The following ENTHD1 variants were observed in gnomAD, a reference collection of about 807,000 sequenced individuals.
The protein encoded by ENTHD1 is ENTH domain containing 1, also known as ENTH domain-containing protein 1.
In ENTHD1, 23 loss-of-function variants were observed where a neutral mutation model predicts 39.1. The observed-to-expected ratio is 0.59, with a 90% confidence interval of 0.42 to 0.83. The LOEUF (loss-of-function observed/expected upper bound fraction) is 0.83, where lower values mean the gene tolerates loss of function less well. ENTHD1 is among the 40% of genes least tolerant of loss of function. The pLI is 0.00. For synonymous variants in ENTHD1, 230 were observed against 258.2 expected (o/e 0.89, Z 1.05); for missense variants, 624 against 705.4 (o/e 0.88, Z 1.31).
chr22:39,876,111 G>A, intron 2 of ENTHD1: 6 of 1,598,358 alleles, frequency 3.8e-6, no homozygotes, highest in Non-Finnish European at 5.1e-6. Context: ...GTGATTGTTG[G>A]TTAGAGACTT....
chr22:39,869,917 T>A (rs1390474629), intron 2 of ENTHD1, among the ~76,000 whole-genome samples: 1 of 151,804 alleles, frequency 6.6e-6, no homozygotes, highest in Admixed American at 6.6e-5. Flanking sequence ...TTTAAAAAAA[T>A]TCAACATCCA....
rs1195296425 is a variant in ENTHD1 at position 39,810,108 on chromosome 22, G to T, written c.832+10885C>A. 4.6e-5 allele frequency among the ~76,000 whole-genome samples: 7 copies of T among 152,228 alleles called. No homozygotes were observed. In the South Asian group the frequency reaches 1.2e-3, roughly 27 times the overall value. ...AGAGCAAGAACTTCTTGAGGGGAAG[G>T]TCTGAGCCCTTTGAGAATGAATCCT... On this transcript the variant is annotated intron_variant, in intron 5 of 6. Coordinates refer to ENST00000325157, the MANE Select transcript of ENTHD1 (RefSeq NM_152512.4).
At chr22:39,884,149 G>A (rs2146771895) in intron 2 of ENTHD1, among the ~76,000 whole-genome samples, 1 of 151,886 alleles carries the variant, frequency 6.6e-6, no homozygotes, top group East Asian at 1.9e-4. Flanking sequence ...TTCAATGTAA[G>A]CCCATCAAAA....
chr22:39,773,488 C>G (rs1228554097), intron 5 of ENTHD1, among the ~76,000 whole-genome samples: 2 of 152,182 alleles, frequency 1.3e-5, no homozygotes, highest in African/African-American at 4.8e-5. Context: ...TTAGAAGAAA[C>G]TCCTAAATAT....
chr22:39,837,690 T>C (rs1054964609), intron 3 of ENTHD1, among the ~76,000 whole-genome samples: 1 of 152,232 alleles, frequency 6.6e-6, no homozygotes, highest in East Asian at 1.9e-4. Flanking sequence ...TTTTGTTTAA[T>C]GTCCTTGTGT....
chr22:39,827,120 A>G (rs2065833249), intron 4 of ENTHD1, among the ~76,000 whole-genome samples: 1 of 148,856 alleles, frequency 6.7e-6, no homozygotes, highest in Non-Finnish European at 1.5e-5. Context: ...GGTTCACGCC[A>G]TTCTCCTGCC....
chr22:39,749,130 C>A (rs968288007), intron 6 of ENTHD1, among the ~76,000 whole-genome samples: 1 of 152,118 alleles, frequency 6.6e-6, no homozygotes, highest in African/African-American at 2.4e-5. Context: ...TTGCCGCATA[C>A]CAATTTACTT....
At chr22:39,844,117 GAT>G (rs2065968624) in intron 3 of ENTHD1, among the ~76,000 whole-genome samples, 1 of 152,018 alleles carries the variant, frequency 6.6e-6, no homozygotes, top group African/African-American at 2.4e-5. Context: ...TGAATTTTGA[GAT>G]TAAAGATGTA....
At chr22:39,775,145 C>G (rs2065356946) in intron 5 of ENTHD1, among the ~76,000 whole-genome samples, 1 of 152,148 alleles carries the variant, frequency 6.6e-6, no homozygotes, top group Non-Finnish European at 1.5e-5. Flanking sequence ...ATTCATTTGA[C>G]AAATACTAAG....
intron 2 of ENTHD1, among the ~76,000 whole-genome samples, chr22:39,869,989 T>TTATA (rs879783178): frequency 1.1e-3 from 158 of 145,760 alleles, no homozygotes; most frequent in African/African-American, 3.7e-3. Flanking sequence ...AGTACTTTAT[T>TTATA]TATTTATTTA....
At chr22:39,744,475 T>C (rs2065088372) in intron 6 of ENTHD1, among the ~76,000 whole-genome samples, 192 bp from the exon 7 acceptor site, 1 of 152,218 alleles carries the variant, frequency 6.6e-6, no homozygotes, top group Non-Finnish European at 1.5e-5. Flanking sequence ...TCTACAGATG[T>C]ATTATATATC....
chr22:39,841,783 T>C (rs565148017), intron 3 of ENTHD1, among the ~76,000 whole-genome samples: 2 of 152,172 alleles, frequency 1.3e-5, no homozygotes, highest in African/African-American at 4.8e-5. Context: ...GTCATGATGC[T>C]GTTAGCTGGT....
intron 2 of ENTHD1, among the ~76,000 whole-genome samples, chr22:39,866,137 G>A (rs1303032376): frequency 2.0e-5 from 3 of 152,188 alleles, no homozygotes; most frequent in Non-Finnish European, 2.9e-5. Context: ...AGAGCACAAC[G>A]GGGGCGTGAG....
chr22:39,862,966 CGGACCTTCTGTCACATGA>C (rs1288274222), intron 2 of ENTHD1, among the ~76,000 whole-genome samples: 1 of 152,154 alleles, frequency 6.6e-6, no homozygotes, highest in Non-Finnish European at 1.5e-5. Context: ...CATCGCCTTT[CGGACCTTCTGTCACATGA>C]GGACACAGCA....
intron 5 of ENTHD1, among the ~76,000 whole-genome samples, chr22:39,787,083 A>G (rs1346148733): frequency 1.3e-5 from 2 of 152,182 alleles, no homozygotes; most frequent in Non-Finnish European, 2.9e-5. Context: ...TCACATTTCA[A>G]ACTTTTCCAC....
intron 3 of ENTHD1, among the ~76,000 whole-genome samples, chr22:39,841,559 C>T (rs560487879): frequency 6.6e-6 from 1 of 151,546 alleles, no homozygotes; most frequent in South Asian, 2.1e-4. Flanking sequence ...GGATTGCAAC[C>T]CCTGCCTTTT....
rs190278438 is a variant in ENTHD1, at chr22:39,746,076, A to C, written c.1220-1793T>G. Among the ~76,000 whole-genome samples, 7 of 152,286 alleles carry C rather than the reference A, an allele frequency of 4.6e-5. No individual in the cohort carries two copies. The East Asian group carries it at 1.4e-3, about 29-fold the overall frequency. The stretch of plus-strand genomic sequence containing the variant: ...TCCTTCAGCCCCAGAAAATTATTCT[A>C]AATGATTTAATCACTTATTTTCTCC... On this transcript the variant is annotated intron_variant, in intron 6 of 6. Coordinates refer to ENST00000325157, the MANE Select transcript of ENTHD1 (RefSeq NM_152512.4).
intron 4 of ENTHD1, among the ~76,000 whole-genome samples, chr22:39,831,739 T>A (rs2065870796): frequency 6.6e-6 from 1 of 151,814 alleles, no homozygotes; most frequent in Non-Finnish European, 1.5e-5. Flanking sequence ...GGCAGGAGAA[T>A]CGCTTGAACC....
intron 4 of ENTHD1, among the ~76,000 whole-genome samples, chr22:39,821,393 C>T (rs1364094330): frequency 6.6e-6 from 1 of 152,194 alleles, no homozygotes; most frequent in Non-Finnish European, 1.5e-5. Context: ...ATCCTTACAG[C>T]ATACTATCTC....
Sources: allele counts gnomAD v4.1 joint callset (sites outside exome capture counted in the v4.1 genomes callset), GRCh38; gene constraint gnomAD v4.1.1; transcripts MANE v1.5; gene names NCBI Gene and HGNC (gene_info 2026-07-23, HGNC 2026-07-21).